ARL13B: variants seen among roughly 807,000 people sequenced by gnomAD.
ARL13B encodes ADP-ribosylation factor-like protein 13B.
ARL13B carries 36 observed loss-of-function variants against 56.1 expected under a neutral mutation model. That is an observed-to-expected ratio of 0.64 (90% CI 0.49 to 0.85). ARL13B has a LOEUF of 0.85. Among genes scored for constraint, ARL13B ranks in the 40% least tolerant of loss-of-function variants. The pLI is 0.00. For synonymous variants in ARL13B, 178 were observed against 171.1 expected, an observed-to-expected ratio of 1.04 and a Z score of -0.32; for missense variants, 519 against 507.1, an observed-to-expected ratio of 1.02 and a Z score of -0.23.
chr3:93,996,564 G>C (rs1327118429), intron 2 of ARL13B: 1 of 320,158 alleles, frequency 3.1e-6, no homozygotes, highest in Admixed American at 3.3e-5. Flanking sequence ...TTTTGGTAGA[G>C]ATGGGGTCTC....
At chr3:94,018,057 T>A (rs181416581) in intron 3 of ARL13B, among the ~76,000 whole-genome samples, 1 of 152,334 alleles carries the variant, frequency 6.6e-6, no homozygotes, top group South Asian at 2.1e-4. Context: ...CATTTTGATA[T>A]GTAATTTAAA....
chr3:94,026,500 A>G (rs1700951353), intron 3 of ARL13B, among the ~76,000 whole-genome samples: 1 of 152,182 alleles, frequency 6.6e-6, no homozygotes, highest in Non-Finnish European at 1.5e-5. Context: ...TACATTTTCT[A>G]GTAGTTGCAT....
intron 5 of ARL13B, among the ~76,000 whole-genome samples, chr3:94,038,016 C>T (rs990977879): frequency 3.9e-5 from 6 of 152,068 alleles, no homozygotes; most frequent in East Asian, 1.9e-4. Flanking sequence ...CATTCGGAGA[C>T]GGGTGATTAA....
chr3:94,026,554 T>G (rs2076562488), intron 3 of ARL13B, among the ~76,000 whole-genome samples: 2 of 152,192 alleles, frequency 1.3e-5, no homozygotes, highest in Non-Finnish European at 2.9e-5. Flanking sequence ...TGATCTTATA[T>G]CTTCATGAAT....
In ARL13B at chr3:94,003,897, G is replaced by A. The variant is rs2076092737; in HGVS notation, c.369G>A (p.Lys123=). 1.5e-5 allele frequency: 25 copies of A among 1,613,256 alleles called. No homozygotes were observed. The highest frequency in any genetic ancestry group is 2.0e-5 in the Non-Finnish European group (24 of 1,179,512). ...EMLRHPRISG[K]PILVLANKQD... is the part of the protein sequence containing the mutation. Reference sequence around the variant, plus strand: ...TAAGACATCCTAGGATATCGGGAAAGCCTATATTGGTGTAAGTAATGTTAG... The same window carrying A: ...TAAGACATCCTAGGATATCGGGAAAACCTATATTGGTGTAAGTAATGTTAG... Residue 123 remains lysine, a synonymous_variant, in exon 3 of 10, where the codon AAG becomes AAA. Coordinates refer to ENST00000394222, the MANE Select transcript of ARL13B (RefSeq NM_001174150.2).
At chr3:93,983,856 C>T (rs776102018) in intron 1 of ARL13B, among the ~76,000 whole-genome samples, 6 of 152,106 alleles carry the variant, frequency 3.9e-5, no homozygotes, top group Non-Finnish European at 7.4e-5. Context: ...ACTTGAACAA[C>T]GCAGGGTTTA....
chr3:93,999,895 G>C (rs1372038294), intron 2 of ARL13B, among the ~76,000 whole-genome samples: 2 of 152,176 alleles, frequency 1.3e-5, no homozygotes, highest in Admixed American at 6.5e-5. Context: ...TGGTTTGTCA[G>C]CTCCATCGTG....
At chr3:94,000,551 GA>G (rs1318880122) in intron 2 of ARL13B, among the ~76,000 whole-genome samples, 170 of 140,060 alleles carry the variant, frequency 1.2e-3, no homozygotes, top group African/African-American at 3.1e-3. Context: ...TTGTGAAGAG[GA>G]AAAAAAAAAC....
intron 1 of ARL13B, among the ~76,000 whole-genome samples, chr3:93,994,799 AT>A (rs143330816): frequency 7.5e-4 from 108 of 143,774 alleles, no homozygotes; most frequent in Middle Eastern, 3.6e-3. Flanking sequence ...AGTACACCTG[AT>A]TTTTTTTTTT....
At chr3:93,982,266 T>C in intron 1 of ARL13B, among the ~76,000 whole-genome samples, 1 of 152,250 alleles carries the variant, frequency 6.6e-6, no homozygotes. Context: ...TTGAATTTTC[T>C]TAATAAAGCA....
At chr3:93,995,460 A>G (rs148776063) in intron 1 of ARL13B, among the ~76,000 whole-genome samples, 119 of 152,294 alleles carry the variant, frequency 7.8e-4, no homozygotes, top group Admixed American at 1.3e-4. Context: ...AAGATGCTAC[A>G]TATTTAAAAA....
intron 3 of ARL13B, among the ~76,000 whole-genome samples, chr3:94,013,582 T>C (rs960088606): frequency 2.6e-5 from 4 of 152,236 alleles, no homozygotes; most frequent in Non-Finnish European, 5.9e-5. Context: ...ACAAATTAGA[T>C]TCTTCAAGTA....
intron 1 of ARL13B, among the ~76,000 whole-genome samples, chr3:93,992,622 T>C (rs2075895528): frequency 6.6e-6 from 1 of 152,218 alleles, no homozygotes. Flanking sequence ...CAGAGATTTA[T>C]TCCCCAAAAG....
intron 1 of ARL13B, chr3:93,989,038 C>T: frequency 4.0e-6 from 1 of 248,264 alleles, no homozygotes; most frequent in Non-Finnish European, 7.9e-6. Flanking sequence ...TGGCACTCCT[C>T]CCGCTGCCCG....
Position 94,003,990 on chromosome 3 carries a change from T to C in ARL13B, c.380+82T>C, listed in dbSNP as rs933499502. 2.0e-5 allele frequency: 32 copies of C among 1,582,364 alleles called. No homozygotes were observed. The Admixed American group carries it at 5.4e-4, about 27-fold the overall frequency. On this transcript the variant is annotated intron_variant, in intron 3 of 9. Coordinates refer to ENST00000394222, the MANE Select transcript of ARL13B (RefSeq NM_001174150.2). ...AATTTACCTGTTACAGACTAGTGAA[T>C]AAGCTAAAATAGTCACGCTTTAGTA...
chr3:93,989,573 A>G (rs1459978616), intron 1 of ARL13B, among the ~76,000 whole-genome samples: 1 of 150,160 alleles, frequency 6.7e-6, no homozygotes, highest in Non-Finnish European at 1.5e-5. Context: ...TTTTTTTTTT[A>G]AACAGCCTCA....
At position 93,980,445 on chromosome 3, in the gene ARL13B, T is replaced by G. The variant is rs1292813768; in HGVS notation, c.22T>G (p.Cys8Gly). The change falls in exon 1 of 10, where the codon TGC becomes GGC. Residue 8 changes from cysteine to glycine, a missense_variant. Physicochemically the swap from Cys to Gly is radical, Grantham distance 159 (BLOSUM62 -3). Transcript: ENST00000394222. The part of the protein sequence containing the change: MFSLMAS[C>G]CGWFKRWREP... ...CGGGATGTTCAGTCTGATGGCCAGT[T>G]GCTGCGGCTGGTTCAAGCGGTGGCG... 98 of 1,612,604 alleles carry G rather than the reference T, an allele frequency of 6.1e-5. No homozygotes were observed. The highest frequency in any genetic ancestry group is 8.3e-5 in the Non-Finnish European group (98 of 1,179,980).
At chr3:93,987,148 A>G (rs1266016306) in intron 1 of ARL13B, among the ~76,000 whole-genome samples, 1 of 143,792 alleles carries the variant, frequency 7.0e-6, no homozygotes, top group African/African-American at 2.5e-5. Context: ...CATGATGCTT[A>G]TATTTCTGAT....
chr3:94,012,544 A>G (rs1311334246), intron 3 of ARL13B, among the ~76,000 whole-genome samples: 2 of 152,188 alleles, frequency 1.3e-5, no homozygotes, highest in African/African-American at 4.8e-5. Context: ...GCCTGGGTTC[A>G]TATCCCAATT....
Sources: allele counts gnomAD v4.1 joint callset (sites outside exome capture counted in the v4.1 genomes callset), GRCh38; gene constraint gnomAD v4.1.1; transcripts MANE v1.5; gene names NCBI Gene and HGNC (gene_info 2026-07-23, HGNC 2026-07-21).